The following PKP4 variants were observed in gnomAD, a reference collection of about 807,000 sequenced individuals.
PKP4 encodes plakophilin-4.
PKP4 carries 90 observed loss-of-function variants against 145.1 expected under a neutral mutation model. The observed-to-expected ratio is 0.62, with a 90% CI of 0.52 to 0.74. PKP4 has a LOEUF of 0.74. Ranked by LOEUF, PKP4 falls within the 30% of genes least tolerant of loss-of-function variation. The pLI is 0.00. For synonymous variants in PKP4, 563 were observed against 577.2 expected, an observed-to-expected ratio of 0.98 and a Z score of 0.35; for missense variants, 1,340 against 1,482.7, an observed-to-expected ratio of 0.90 and a Z score of 1.58.
rs1165723592 is a variant in PKP4, at chr2:158,595,821, T to G, written c.246-7249T>G. Among the ~76,000 whole-genome samples the G allele has an allele frequency of 2.0e-5, 3 of 152,248 alleles. No individual in the cohort carries two copies. In the East Asian group the frequency reaches 5.8e-4, roughly 29 times the overall value. ...AATCATTAGTAGTTATTTTGTCATA[T>G]TTCCTTGGGGAGGGGAAAAAAAAAT... On this transcript the variant is annotated intron_variant, in intron 3 of 21. Transcript: ENST00000389759.
At chr2:158,664,335 A>T (rs896611404) in intron 15 of PKP4, among the ~76,000 whole-genome samples, 14 of 152,188 alleles carry the variant, frequency 9.2e-5, no homozygotes, top group Non-Finnish European at 1.9e-4. Flanking sequence ...TCTTTTTGCA[A>T]ATGTATGAGT....
At position 158,482,897 on chromosome 2, in the gene PKP4, A is replaced by G. The variant is rs564561286; in HGVS notation, c.-6+25679A>G. ...CATGCAGGTCATTGCACAGAATGGA[A>G]GTATACCTGTATGTGTTATTAAAGT... On this transcript the variant is annotated intron_variant, in intron 1 of 21. Coordinates refer to ENST00000389759, the MANE Select transcript of PKP4 (RefSeq NM_003628.6). Among the ~76,000 whole-genome samples the G allele has an allele frequency of 7.2e-5, 11 of 152,174 alleles. No individual in the cohort carries two copies. In the South Asian group the frequency reaches 2.3e-3, roughly 32 times the overall value.
chr2:158,592,852 A>G (rs2049392398), intron 3 of PKP4, among the ~76,000 whole-genome samples: 2 of 152,170 alleles, frequency 1.3e-5, no homozygotes, highest in African/African-American at 4.8e-5. Flanking sequence ...TATGCATCAA[A>G]TAAAACTATT....
chr2:158,475,896 A>G (rs1692395158), intron 1 of PKP4, among the ~76,000 whole-genome samples: 2 of 152,208 alleles, frequency 1.3e-5, no homozygotes, highest in Non-Finnish European at 2.9e-5. Context: ...TATGATTCAC[A>G]TAAATTTTCA....
chr2:158,464,353 T>C (rs1690253037), intron 1 of PKP4, among the ~76,000 whole-genome samples: 1 of 152,228 alleles, frequency 6.6e-6, no homozygotes, highest in South Asian at 2.1e-4. Flanking sequence ...TCAGAAATTG[T>C]GGCAGATTTC....
chr2:158,646,688 C>T (rs2054858699), intron 11 of PKP4, among the ~76,000 whole-genome samples: 1 of 152,172 alleles, frequency 6.6e-6, no homozygotes, highest in Admixed American at 6.5e-5. Flanking sequence ...ATTAAATCTT[C>T]CTCACATCAA....
At chr2:158,633,301 A>G (rs1270422812) in intron 8 of PKP4, among the ~76,000 whole-genome samples, 1 of 152,262 alleles carries the variant, frequency 6.6e-6, no homozygotes, top group Non-Finnish European at 1.5e-5. Flanking sequence ...ATTAACAACA[A>G]TAACAAAGAA....
Position 158,621,048 on chromosome 2 carries a change from C to T in PKP4, c.339C>T (p.Asn113=), listed in dbSNP as rs1306876442. The change falls in exon 5 of 22, where the codon AAC becomes AAT. Residue 113 remains asparagine (N), a synonymous_variant. Transcript: ENST00000389759. Reference sequence around the variant, plus strand: ...TTTCTGACGCTGTCCAGCCCAACAACTATCTCATCAGGACAGAGCCAGAAC... The same window carrying T: ...TTTCTGACGCTGTCCAGCCCAACAATTATCTCATCAGGACAGAGCCAGAAC... The part of the protein sequence containing the change: ...PRVSDAVQPN[N]YLIRTEPEQG... 1 of 1,614,002 alleles carries T rather than the reference C, an allele frequency of 6.2e-7. No individual in the cohort carries two copies. Among genetic ancestry groups the T allele is most frequent in the East Asian group, 2.2e-5 (1 of 44,872 alleles).
At chr2:158,496,177 C>T (rs1243352421) in intron 1 of PKP4, among the ~76,000 whole-genome samples, 4 of 151,398 alleles carry the variant, frequency 2.6e-5, no homozygotes, top group African/African-American at 4.9e-5. Flanking sequence ...AGACAGGTTT[C>T]GCCATGTTGG....
intron 9 of PKP4, among the ~76,000 whole-genome samples, chr2:158,640,189 G>T (rs548710339): frequency 6.6e-6 from 1 of 152,344 alleles, no homozygotes; most frequent in East Asian, 1.9e-4. Context: ...CACAATGTTT[G>T]TGATTTCTAG....
chr2:158,617,727 G>A (rs1048855096), intron 4 of PKP4, among the ~76,000 whole-genome samples: 1 of 152,172 alleles, frequency 6.6e-6, no homozygotes. Context: ...ATAGGTTTAT[G>A]CATGTATATA....
intron 2 of PKP4, among the ~76,000 whole-genome samples, chr2:158,552,015 T>C (rs1263934917): frequency 6.6e-6 from 1 of 152,206 alleles, no homozygotes; most frequent in Non-Finnish European, 1.5e-5. Context: ...CAAAACTTTA[T>C]GGGTGTAAAT....
At position 158,678,530 on chromosome 2, in the gene PKP4, G is replaced by A. The variant is rs558875323; in HGVS notation, c.3257-51G>A. ...TGCAGGGGAGACCACCCAGCCTAAT[G>A]GACCAGAGTAATAAGCACTAGTTTT... On this transcript the variant is annotated intron_variant, in intron 20 of 21. Coordinates refer to ENST00000389759, the MANE Select transcript of PKP4 (RefSeq NM_003628.6). 1.4e-5 allele frequency: 19 copies of A among 1,316,388 alleles called. No homozygotes were observed. The African/African-American group carries it at 1.4e-4, about 10-fold the overall frequency. The allele number at this position is 1,316,388 out of a possible 1,614,324, so 81.5% of individuals were successfully genotyped here.
chr2:158,510,417 T>C (rs1349517822), intron 1 of PKP4, among the ~76,000 whole-genome samples: 2 of 152,138 alleles, frequency 1.3e-5, no homozygotes, highest in African/African-American at 4.8e-5. Flanking sequence ...TCTAAAAAGA[T>C]GTGGGAGCAT....
intron 1 of PKP4, among the ~76,000 whole-genome samples, chr2:158,460,197 A>G (rs1331510400): frequency 6.6e-6 from 1 of 152,208 alleles, no homozygotes; most frequent in Non-Finnish European, 1.5e-5. Flanking sequence ...AGAAAGTAAA[A>G]TTATATACAT....
chr2:158,674,446 G>T (rs1445624309), intron 19 of PKP4, among the ~76,000 whole-genome samples: 1 of 152,184 alleles, frequency 6.6e-6, no homozygotes, highest in Non-Finnish European at 1.5e-5. Flanking sequence ...TAGAAGCAGG[G>T]TCCTTTACCA....
At chr2:158,603,342 C>A (rs2050381488) in intron 4 of PKP4, among the ~76,000 whole-genome samples, 1 of 152,098 alleles carries the variant, frequency 6.6e-6, no homozygotes, top group African/African-American at 2.4e-5. Flanking sequence ...ATATTAACCC[C>A]ATATCTGAAA....
intron 1 of PKP4, among the ~76,000 whole-genome samples, chr2:158,475,633 A>G (rs1422150549): frequency 1.3e-5 from 2 of 152,208 alleles, no homozygotes; most frequent in East Asian, 1.9e-4. Flanking sequence ...TTATCCCTGC[A>G]GGAGCAACCC....
intron 1 of PKP4, among the ~76,000 whole-genome samples, chr2:158,460,564 T>C (rs796584248): frequency 2.4e-4 from 36 of 152,366 alleles, no homozygotes; most frequent in African/African-American, 8.7e-4. Context: ...GTCTCTTACC[T>C]GACTCTTTTG....
Sources: allele counts gnomAD v4.1 joint callset (sites outside exome capture counted in the v4.1 genomes callset), GRCh38; gene constraint gnomAD v4.1.1; transcripts MANE v1.5; gene names NCBI Gene and HGNC (gene_info 2026-07-23, HGNC 2026-07-21).